Variants in PDE11A observed in about 807,000 individuals in gnomAD.
The protein encoded by PDE11A is phosphodiesterase 11A.
A neutral mutation model predicts 100.5 loss-of-function variants in PDE11A; 100 were observed. The observed-to-expected ratio is 1.00, with a 90% CI of 0.85 to 1.18. The LOEUF is 1.18. Ranked by LOEUF, PDE11A falls within the 50% of genes most tolerant of loss-of-function variation. PDE11A has a pLI of 0.00. For synonymous variants in PDE11A, 381 were observed against 420.8 expected, an observed-to-expected ratio of 0.91 and a Z score of 1.16; for missense variants, 1,141 against 1,152.6, an observed-to-expected ratio of 0.99 and a Z score of 0.15.
chr2:177,775,485 C>A (rs749711503), intron 9 of PDE11A, among the ~76,000 whole-genome samples: 1 of 152,196 alleles, frequency 6.6e-6, no homozygotes, highest in African/African-American at 2.4e-5. Context: ...GTATTTCCTT[C>A]AATGGCATCC....
Position 178,009,417 on chromosome 2 carries a change from G to T in PDE11A, c.1071+4885C>A, listed in dbSNP as rs557198766. 7.9e-5 allele frequency among the ~76,000 whole-genome samples: 12 copies of T among 152,170 alleles called. No homozygotes were observed. The South Asian group carries it at 2.5e-3, about 32-fold the overall frequency. On this transcript the variant is annotated intron_variant, in intron 2 of 19. Transcript: ENST00000286063. ...ATCAAACTAGTAATTTGTCAGTATG[G>T]AACTTAAATTATTAATATGTGAATA...
chr2:177,862,414 A>G (rs1235780576), intron 5 of PDE11A, among the ~76,000 whole-genome samples: 1 of 151,878 alleles, frequency 6.6e-6, no homozygotes, highest in Non-Finnish European at 1.5e-5. Flanking sequence ...AATTATCTCT[A>G]TTTGCAGATG....
chr2:177,742,659 T>G (rs1040566167), intron 10 of PDE11A, among the ~76,000 whole-genome samples: 1 of 152,210 alleles, frequency 6.6e-6, no homozygotes, highest in African/African-American at 2.4e-5. Context: ...GTTTGCCTCA[T>G]TTTTGTACCA....
chr2:177,933,629 C>T (rs893328834), intron 2 of PDE11A, among the ~76,000 whole-genome samples: 3 of 151,652 alleles, frequency 2.0e-5, no homozygotes, highest in Non-Finnish European at 4.4e-5. Flanking sequence ...TGCAGTGAGC[C>T]GAGACCACAC....
In PDE11A at chr2:178,072,112, T is replaced by A; in HGVS notation, c.326A>T (p.Asp109Val). ...AGAAGCTCTCCGCTGCAGGTTCCCA[T>A]CGCCCCTGCTGCCACCGGCCCAGCT... Reference protein sequence around the residue: ...SPSWAGGSRGDGNLQRRASQK... With the variant: ...SPSWAGGSRGVGNLQRRASQK... The change falls in exon 1 of 20, where the codon GAT (aspartate) becomes GTT (valine). Residue 109 changes from aspartate to valine, a missense_variant. Coordinates refer to ENST00000286063, the MANE Select transcript of PDE11A (RefSeq NM_016953.4). The A allele has an allele frequency of 6.2e-7, 1 of 1,613,794 alleles. No individual in the cohort carries two copies. Among genetic ancestry groups the A allele is most frequent in the Non-Finnish European group, 8.5e-7 (1 of 1,179,722 alleles).
At chr2:177,691,019 G>A (rs970078188) in intron 15 of PDE11A, among the ~76,000 whole-genome samples, 5 of 152,172 alleles carry the variant, frequency 3.3e-5, no homozygotes, top group Admixed American at 1.3e-4. Context: ...CAGGCAGTGT[G>A]TCAGGTTTTG....
intron 1 of PDE11A, among the ~76,000 whole-genome samples, chr2:178,015,995 C>T (rs1266166530): frequency 6.6e-6 from 1 of 152,026 alleles, no homozygotes; most frequent in Non-Finnish European, 1.5e-5. Context: ...ATGCTATTCT[C>T]GCTCTGTCAC....
chr2:178,090,512 T>C (rs1464701021), intron 2 of PDE11A, among the ~76,000 whole-genome samples: 1 of 135,292 alleles, frequency 7.4e-6, no homozygotes, highest in Non-Finnish European at 1.6e-5. Flanking sequence ...TACTATCTTC[T>C]TTCTACTTCC....
intron 9 of PDE11A, 33 bp downstream of exon 9, chr2:177,816,796 A>G (rs1360530762): frequency 3.3e-6 from 4 of 1,205,748 alleles, no homozygotes; most frequent in Non-Finnish European, 5.0e-6. Context: ...TAGAGCTGAC[A>G]GCATACAAAC....
chr2:177,719,320 A>G (rs765484682), intron 12 of PDE11A, among the ~76,000 whole-genome samples: 11 of 152,194 alleles, frequency 7.2e-5, no homozygotes, highest in Non-Finnish European at 1.2e-4. Flanking sequence ...AGGGAATCTA[A>G]TGATGTACTA....
At chr2:177,839,335 G>C (rs1476953530) in intron 6 of PDE11A, among the ~76,000 whole-genome samples, 1 of 152,184 alleles carries the variant, frequency 6.6e-6, no homozygotes, top group Non-Finnish European at 1.5e-5. Flanking sequence ...TACTTCTCAG[G>C]GTTGAAGTTT....
At chr2:177,857,706 A>G (rs568104157) in intron 5 of PDE11A, among the ~76,000 whole-genome samples, 1 of 152,186 alleles carries the variant, frequency 6.6e-6, no homozygotes, top group African/African-American at 2.4e-5. Context: ...CATTAAATGT[A>G]AGTGGACTAA....
At position 178,079,075 on chromosome 2, in the gene PDE11A, G is replaced by T. The variant is rs1203609259; in HGVS notation, c.162+25227C>A. Among the ~76,000 whole-genome samples, 35 of 152,162 alleles carry T rather than the reference G, an allele frequency of 2.3e-4. 1 individual carries two copies. The highest frequency in any genetic ancestry group is 2.3e-3 in the Admixed American group (35 of 15,284). On this transcript the variant is annotated intron_variant, in intron 2 of 20. Transcript: ENST00000358450. ...GCAATCCATAACTAGTATTAAGATT[G>T]AGAGTATAGACCTACTAACAATAGA... is the stretch of plus-strand genomic sequence containing the variant.
chr2:178,015,631 C>T (rs569686009), intron 1 of PDE11A, among the ~76,000 whole-genome samples: 2 of 152,114 alleles, frequency 1.3e-5, no homozygotes, highest in African/African-American at 2.4e-5. Flanking sequence ...AAGTATGATA[C>T]TGGTGTTGTA....
chr2:177,757,312 G>A lies in PDE11A; in HGVS notation c.1788+12011C>T, dbSNP rs12151806. Among the ~76,000 whole-genome samples the A allele has an allele frequency of 6.6e-3, 1,008 of 152,252 alleles. 4 individuals carry two copies. Among genetic ancestry groups the A allele is most frequent in the African/African-American group, 8.6e-3 (356 of 41,558 alleles). On this transcript the variant is annotated intron_variant, in intron 10 of 19. Coordinates refer to ENST00000286063, the MANE Select transcript of PDE11A (RefSeq NM_016953.4). ...AAAGGGCCTCAGCAGCATGAACCAAGGTCTCCAAACTGGCAGTGTAACATC... is the reference window on the plus strand; with the variant it reads ...AAAGGGCCTCAGCAGCATGAACCAAAGTCTCCAAACTGGCAGTGTAACATC...
chr2:177,791,864 T>G (rs2082637718), intron 9 of PDE11A, among the ~76,000 whole-genome samples: 1 of 152,178 alleles, frequency 6.6e-6, no homozygotes, highest in Non-Finnish European at 1.5e-5. Flanking sequence ...TGTGAAATGC[T>G]TAGTTATTAA....
At chr2:177,812,948 C>G (rs2082969695) in intron 9 of PDE11A, among the ~76,000 whole-genome samples, 1 of 152,244 alleles carries the variant, frequency 6.6e-6, no homozygotes, top group Non-Finnish European at 1.5e-5. Flanking sequence ...CCTGCACATA[C>G]ATGTGAACTA....
intron 13 of PDE11A, among the ~76,000 whole-genome samples, chr2:177,705,794 C>T (rs569132729): frequency 2.0e-5 from 3 of 152,262 alleles, no homozygotes; most frequent in African/African-American, 7.2e-5. Flanking sequence ...GATTAATGTG[C>T]CCCAGTATTT....
chr2:177,832,554 C>CATCTATCTATCTATCTATCT (rs58916923), intron 6 of PDE11A, among the ~76,000 whole-genome samples: 12 of 146,400 alleles, frequency 8.2e-5, no homozygotes, highest in African/African-American at 1.3e-4. Flanking sequence ...TACTCACATC[C>CATCTATCTATCTATCTATCT]ATCTATCTAT....
Sources: allele counts gnomAD v4.1 joint callset (sites outside exome capture counted in the v4.1 genomes callset), GRCh38; gene constraint gnomAD v4.1.1; transcripts MANE v1.5; gene names NCBI Gene and HGNC (gene_info 2026-07-23, HGNC 2026-07-21).